Variants in GCFC2 observed in about 807,000 individuals in gnomAD.
GCFC2 encodes the protein intron Large complex component GCFC2.
Under a neutral mutation model 99.4 loss-of-function variants are expected in GCFC2, and 102 were observed. The ratio of observed to expected loss-of-function variants is 1.03; its 90% CI spans 0.87 to 1.21. The LOEUF is 1.21. Ranked by LOEUF, GCFC2 falls within the 50% of genes most tolerant of loss-of-function variation. The probability of loss-of-function intolerance (pLI) is 0.00; values close to 1 mark genes in which losing one functional copy is unlikely to be tolerated. For synonymous variants in GCFC2, 338 were observed against 316.8 expected (o/e 1.07, Z -0.71); for missense variants, 973 against 920.9 (o/e 1.06, Z -0.73).
intron 1 of GCFC2, 101 bp downstream of exon 1, chr2:75,710,490 G>C (rs1044250365): frequency 1.4e-6 from 2 of 1,392,002 alleles, no homozygotes; most frequent in Non-Finnish European, 1.9e-6. Flanking sequence ...GCTTGTGGTC[G>C]GCAGCAAGTT....
At position 75,670,155 on chromosome 2, in the gene GCFC2, C is replaced by A. The variant is rs563568870; in HGVS notation, c.2086G>T (p.Val696Phe). 9 of 1,606,334 alleles carry A rather than the reference C, an allele frequency of 5.6e-6. No homozygotes were observed. The highest frequency in any genetic ancestry group is 7.7e-6 in the Non-Finnish European group (9 of 1,174,404). Residue 696 changes from valine (V) to phenylalanine (F), a missense_variant, in exon 15 of 17, where the codon GTT becomes TTT. Val to Phe is a conservative substitution (Grantham distance 50). Transcript: ENST00000321027. ...CAACTTACCTGGTTGCACTTTTTAA[C>A]CACATCTGGCCCAGGTGTGGCATTG... ...LLNATPGPDV[V>F]KKCNQVAACL...
At chr2:75,707,229 C>T (rs565952630) in intron 1 of GCFC2, among the ~76,000 whole-genome samples, 5 of 152,170 alleles carry the variant, frequency 3.3e-5, no homozygotes, top group African/African-American at 1.2e-4. Context: ...AATATTGTAA[C>T]GAGCACTTTG....
intron 12 of GCFC2, among the ~76,000 whole-genome samples, chr2:75,674,959 C>CA (rs1267769297): frequency 2.6e-5 from 4 of 152,008 alleles, no homozygotes; most frequent in African/African-American, 9.7e-5. Flanking sequence ...ACAGTATCTC[C>CA]AAAAAATAGC....
chr2:75,690,767 A>C lies in GCFC2; in HGVS notation c.1145-48T>G, dbSNP rs770310281. On this transcript the variant is annotated intron_variant, in intron 7 of 16. Coordinates refer to ENST00000321027, the MANE Select transcript of GCFC2 (RefSeq NM_003203.5). ...TCATACTACAAATTCTCAAAAGAAA[A>C]AAGTAAAATGCTTTGAAAATAAAGG... 2.5e-5 allele frequency: 22 copies of C among 888,756 alleles called. No individual in the cohort carries two copies. The East Asian group carries it at 5.1e-4, about 21-fold the overall frequency. The allele number at this position is 888,756 out of a possible 1,614,324, so 55.1% of individuals were successfully genotyped here.
intron 4 of GCFC2, among the ~76,000 whole-genome samples, chr2:75,697,370 C>A (rs146939111): frequency 6.6e-6 from 1 of 152,222 alleles, no homozygotes; most frequent in Non-Finnish European, 1.5e-5. Flanking sequence ...TCCAGCTCTA[C>A]GCATATCTAC....
intron 15 of GCFC2, among the ~76,000 whole-genome samples, chr2:75,669,603 G>A (rs1320316984): frequency 6.6e-6 from 1 of 151,918 alleles, no homozygotes; most frequent in Non-Finnish European, 1.5e-5. Context: ...CATTCTTTTT[G>A]TAAACAGCCA....
chr2:75,701,352 C>CATTTTTTGAG, intron 3 of GCFC2, 65 bp from the exon 4 acceptor site: 1 of 892,426 alleles, frequency 1.1e-6, no homozygotes, highest in Non-Finnish European at 1.9e-6. Flanking sequence ...AGCAAGCCAA[C>CATTTTTTGAG]ATTTTTTGAG....
chr2:75,677,540 T>G (rs1041576236), intron 12 of GCFC2, among the ~76,000 whole-genome samples: 13 of 152,214 alleles, frequency 8.5e-5, no homozygotes, highest in Non-Finnish European at 4.4e-5. Flanking sequence ...AAGCATACTA[T>G]AGTGCACAGG....
chr2:75,702,359 T>C lies in GCFC2; in HGVS notation c.459A>G (p.Gln153=). 6.2e-7 allele frequency: 1 copy of C among 1,612,754 alleles called. No homozygotes were observed. The highest frequency in any genetic ancestry group is 8.5e-7 in the Non-Finnish European group (1 of 1,178,698). Residue 153 remains glutamine, a synonymous_variant, in exon 3 of 17, where the codon CAA becomes CAG. Coordinates refer to ENST00000321027, the MANE Select transcript of GCFC2 (RefSeq NM_003203.5). ...ARRKRELARA[Q]DDYISLDVQH... ...GTACATCCAAAGAAATATAGTCATC[T>C]TGGGCCCTGGCCAATTCACGTTTTC...
intron 12 of GCFC2, among the ~76,000 whole-genome samples, chr2:75,675,129 T>C (rs1056869023): frequency 6.6e-6 from 1 of 152,208 alleles, no homozygotes; most frequent in East Asian, 1.9e-4. Context: ...GAAAATGTTA[T>C]AAAGGACATT....
intron 2 of GCFC2, 74 bp from the exon 3 acceptor site, chr2:75,702,497 AG>A: frequency 8.5e-7 from 1 of 1,177,398 alleles, no homozygotes; most frequent in East Asian, 2.5e-5. Context: ...TTTAAGAAAA[AG>A]AAAAAAGCAC....
chr2:75,701,839 A>G (rs978526019), intron 3 of GCFC2: 1 of 968,840 alleles, frequency 1.0e-6, no homozygotes, highest in African/African-American at 1.7e-5. Flanking sequence ...GAAGATTTTA[A>G]TACATGACAT....
chr2:75,700,485 G>T (rs1176064804), intron 4 of GCFC2, among the ~76,000 whole-genome samples: 3 of 151,912 alleles, frequency 2.0e-5, no homozygotes, highest in African/African-American at 7.3e-5. Context: ...ATATACCATT[G>T]CGGTGAGATG....
At chr2:75,667,943 A>G (rs9284780) in intron 15 of GCFC2, among the ~76,000 whole-genome samples, 10,760 of 151,886 alleles carry the variant, frequency 0.071, 1,230 homozygotes, top group African/African-American at 0.25. Context: ...TTGGCTACTA[A>G]TTGATATATA....
chr2:75,710,695 A>G lies in GCFC2; in HGVS notation c.161T>C (p.Val54Ala). The stretch of plus-strand genomic sequence containing the variant: ...CCGAACCCGGTGGGGCAGTCCCGCC[A>G]CCTGCGCGCGGCCTCCTCCAGAGGG... The part of the protein sequence containing the change: ...EPPSGGGRAQ[V>A]AGLPHRVRGP... The change falls in exon 1 of 17, where the codon GTG becomes GCG. Residue 54 changes from valine (V) to alanine (A), a missense_variant. Physicochemically the swap from Val to Ala is moderately conservative, Grantham distance 64 (BLOSUM62 0). Transcript: ENST00000321027. The G allele has an allele frequency of 2.0e-6, 3 of 1,530,180 alleles. No individual in the cohort carries two copies. Among genetic ancestry groups the G allele is most frequent in the Non-Finnish European group, 1.7e-6 (2 of 1,143,746 alleles). 94.8% of individuals were successfully genotyped at this position (1,530,180 alleles called of 1,614,324 possible). A position where few individuals can be genotyped will look rare whatever the true frequency, so the allele number is the denominator to read the frequency against.
At chr2:75,701,730 C>T in intron 3 of GCFC2, 2 of 339,126 alleles carry the variant, frequency 5.9e-6, no homozygotes, top group Non-Finnish European at 8.4e-6. Context: ...TTAAAGTTAC[C>T]AAAACCTTGG....
chr2:75,669,403 A>ACC (rs1678985886), intron 15 of GCFC2, among the ~76,000 whole-genome samples: 1 of 152,138 alleles, frequency 6.6e-6, no homozygotes, highest in Non-Finnish European at 1.5e-5. Context: ...TTGATCCACT[A>ACC]AAGTTTTATA....
At chr2:75,688,877 C>T (rs957753095) in intron 10 of GCFC2, 149 bp downstream of exon 10, 7 of 542,690 alleles carry the variant, frequency 1.3e-5, no homozygotes, top group Middle Eastern at 4.7e-4. Flanking sequence ...AGAATGTAGC[C>T]GAAAGCACAC....
rs770740579 is a variant in GCFC2 at position 75,689,994 on chromosome 2, C to G, written c.1314G>C (p.Glu438Asp). ...CTTGGCTTTTTTGGAAGTCAATCAT[C>G]TCTGCTGAAGGCAGTTCATCATCAC... ...TSSDDELPSA[E>D]MIDFQKSQGD... Residue 438 changes from glutamate (E) to aspartate (D), a missense_variant, in exon 9 of 17, where the codon GAG (glutamate) becomes GAC (aspartate). Glu to Asp is a conservative substitution (Grantham distance 45). Transcript: ENST00000321027. The G allele has an allele frequency of 3.3e-5, 53 of 1,600,006 alleles. 1 individual carries two copies. In the South Asian group the frequency reaches 5.6e-4, roughly 17 times the overall value.
Sources: allele counts gnomAD v4.1 joint callset (sites outside exome capture counted in the v4.1 genomes callset), GRCh38; gene constraint gnomAD v4.1.1; transcripts MANE v1.5; gene names NCBI Gene and HGNC (gene_info 2026-07-23, HGNC 2026-07-21).